Variants in RAI1 observed in about 807,000 individuals in gnomAD.
RAI1 encodes the protein retinoic acid induced 1.
A neutral mutation model predicts 123.8 loss-of-function variants in RAI1; 9 were observed. The observed-to-expected ratio is 0.07, with a 90% CI of 0.04 to 0.13. The LOEUF (loss-of-function observed/expected upper bound fraction) is 0.13. RAI1 is among the 10% of genes least tolerant of loss of function. RAI1 has a pLI of 1.00. For synonymous variants in RAI1, 1,231 were observed against 1,127.3 expected (o/e 1.09, Z -1.84); for missense variants, 2,256 against 2,545.8 (o/e 0.89, Z 2.45).
At chr17:17,781,895 A>G (rs2031594493) in intron 2 of RAI1, among the ~76,000 whole-genome samples, 1 of 152,024 alleles carries the variant, frequency 6.6e-6, no homozygotes, top group South Asian at 2.1e-4. Flanking sequence ...AAATGACCGA[A>G]GAAGGGTGGG....
Position 17,809,094 on chromosome 17 carries a change from G to GGAGGGACT in RAI1, c.5660-286_5660-279dup, listed in dbSNP as rs1444006588. On this transcript the variant is annotated intron_variant, in intron 4 of 5. Transcript: ENST00000353383. This position sits in a 1 kb window ranked among gnomAD's most constrained non-coding sequence, Gnocchi z 4.9. The stretch of plus-strand genomic sequence containing the variant: ...GCTGGCAGAGTAAGGCGGGAGGGAG[G>GGAGGGACT]GAGGGACTGAGGGACTGCCTCAAGT... 2 of 500,004 alleles carry GGAGGGACT rather than the reference G, an allele frequency of 4.0e-6. No homozygotes were observed. The highest frequency in any genetic ancestry group is 7.3e-6 in the Non-Finnish European group (2 of 272,126). The allele number at this position is 500,004 out of a possible 1,614,324, so 31.0% of individuals were successfully genotyped here.
At chr17:17,700,858 G>C (rs982469973) in intron 1 of RAI1, among the ~76,000 whole-genome samples, 2 of 152,238 alleles carry the variant, frequency 1.3e-5, no homozygotes, top group African/African-American at 4.8e-5. Context: ...GGCATTCAAG[G>C]CCCTTCGGGA....
intron 3 of RAI1, chr17:17,802,206 T>C (rs2032485960): frequency 2.1e-6 from 1 of 469,548 alleles, no homozygotes; most frequent in Non-Finnish European, 4.4e-6. Flanking sequence ...AGAGGACAGT[T>C]TTGAGACTTA....
intron 1 of RAI1, among the ~76,000 whole-genome samples, chr17:17,711,875 C>G (rs563154840): frequency 3.9e-5 from 6 of 152,242 alleles, no homozygotes; most frequent in Admixed American, 1.3e-4. Context: ...ATTCAACTCC[C>G]GGGACCTGTG....
intron 1 of RAI1, among the ~76,000 whole-genome samples, chr17:17,715,147 A>G (rs1247062109): frequency 1.3e-5 from 2 of 152,346 alleles, no homozygotes; most frequent in East Asian, 3.9e-4. Context: ...GGCTTAAGGT[A>G]TGTGGGAGGC....
chr17:17,729,837 G>C (rs1406599763), intron 2 of RAI1, among the ~76,000 whole-genome samples: 2 of 152,216 alleles, frequency 1.3e-5, no homozygotes, highest in Non-Finnish European at 2.9e-5. Flanking sequence ...TGTCATCTCA[G>C]CATGAGCCTC....
chr17:17,793,780 CA>C lies in RAI1; in HGVS notation c.833del (p.Gln278ArgfsTer86). On this transcript the variant is annotated frameshift_variant, in exon 3 of 6. Coordinates refer to ENST00000353383, the MANE Select transcript of RAI1 (RefSeq NM_030665.4). LOFTEE classifies it high-confidence loss of function. The part of the protein sequence containing the change: ...AYQSGRLSYD[Q>X]QQQQQQQQQQ... The stretch of plus-strand genomic sequence containing the variant: ...CCAGTCGGGCCGCCTCAGCTATGAC[CA>C]GCAGCAGCAGCAGCAGCAGCAGCAG... 3.8e-6 allele frequency: 3 copies of C among 796,026 alleles called. No homozygotes were observed. The highest frequency in any genetic ancestry group is 4.7e-6 in the Non-Finnish European group (3 of 639,784). The allele number at this position is 796,026 out of a possible 1,614,324, so 49.3% of individuals were successfully genotyped here.
chr17:17,753,037 C>CA (rs1242662977), intron 2 of RAI1, among the ~76,000 whole-genome samples: 2 of 152,298 alleles, frequency 1.3e-5, no homozygotes, highest in East Asian at 3.9e-4. Flanking sequence ...GGAAGGGAGA[C>CA]AGATGTGCCT....
chr17:17,740,775 G>A (rs1162945252), intron 2 of RAI1, among the ~76,000 whole-genome samples: 1 of 152,168 alleles, frequency 6.6e-6, no homozygotes, highest in Non-Finnish European at 1.5e-5. Flanking sequence ...GCATCCTGTT[G>A]CCCACCCCGG....
Position 17,798,437 on chromosome 17 carries a change from T to C in RAI1, c.5489T>C (p.Val1830Ala). ...QEHWVHEACA[V>A]WTGGVYLVAG... is the part of the protein sequence containing the mutation. ...CACTGGGTGCATGAGGCCTGTGCCG[T>C]GTGGACCGGCGGCGTCTACCTGGTG... Residue 1830 changes from valine to alanine, a missense_variant, in exon 3 of 6, where the codon GTG (valine) becomes GCG (alanine). Physicochemically the swap from Val to Ala is moderately conservative, Grantham distance 64 (BLOSUM62 0). This residue lies in a region of RAI1 where 243 missense variants were observed against 316.6 expected (regional missense o/e 0.77). Coordinates refer to ENST00000353383, the MANE Select transcript of RAI1 (RefSeq NM_030665.4). 6.2e-7 allele frequency: 1 copy of C among 1,610,018 alleles called. No homozygotes were observed. The highest frequency in any genetic ancestry group is 8.5e-7 in the Non-Finnish European group (1 of 1,179,672).
intron 4 of RAI1, among the ~76,000 whole-genome samples, chr17:17,807,266 T>TGGGGGGGGGGG (rs2032613325): frequency 1.6e-5 from 1 of 63,570 alleles, no homozygotes. Flanking sequence ...GGCGGGGGGG[T>TGGGGGGGGGGG]GGGAGTGAGA....
chr17:17,732,714 T>C (rs1916310412), intron 2 of RAI1, among the ~76,000 whole-genome samples: 1 of 152,222 alleles, frequency 6.6e-6, no homozygotes, highest in South Asian at 2.1e-4. Context: ...TACTGCTGCC[T>C]GGCGGTCAGC....
intron 1 of RAI1, among the ~76,000 whole-genome samples, chr17:17,695,587 C>T (rs926978214): frequency 2.0e-5 from 3 of 151,142 alleles, no homozygotes; most frequent in Non-Finnish European, 2.9e-5. Flanking sequence ...AGTGCAGTGG[C>T]GTAATCTCCG....
At chr17:17,682,309 A>G (rs1366181969) in intron 1 of RAI1, among the ~76,000 whole-genome samples, 1 of 151,084 alleles carries the variant, frequency 6.6e-6, no homozygotes, top group Non-Finnish European at 1.5e-5. Context: ...GTGCGTGGCG[A>G]GATGGGTGCT....
In RAI1 at chr17:17,810,646, C is replaced by T; in HGVS notation, c.*665C>T. ...GCGGTTCGGGCAAAGCCGGGGTAGA[C>T]CTGGGCTATGCTCAGTTAGGGGTTG... On this transcript the variant is annotated 3_prime_UTR_variant, in exon 6 of 6. Transcript: ENST00000353383. This position sits in a 1 kb window ranked among gnomAD's most constrained non-coding sequence, Gnocchi z 4.6. 1 of 344,242 alleles carries T rather than the reference C, an allele frequency of 2.9e-6. No homozygotes were observed. The highest frequency in any genetic ancestry group is 2.1e-5 in the South Asian group (1 of 48,102). The allele number at this position is 344,242 out of a possible 1,614,324, so 21.3% of individuals were successfully genotyped here.
At chr17:17,747,661 C>A (rs995132897) in intron 2 of RAI1, among the ~76,000 whole-genome samples, 6 of 152,144 alleles carry the variant, frequency 3.9e-5, no homozygotes, top group Non-Finnish European at 8.8e-5. Context: ...TGGGTTGGAG[C>A]TGCCCTCTTG....
chr17:17,774,470 A>G (rs2142995964), intron 2 of RAI1, among the ~76,000 whole-genome samples: 1 of 152,364 alleles, frequency 6.6e-6, no homozygotes, highest in East Asian at 1.9e-4. Context: ...CCCGTCAGCC[A>G]AGTCTTTTCC....
intron 1 of RAI1, among the ~76,000 whole-genome samples, chr17:17,720,703 T>C (rs1337420080): frequency 2.0e-5 from 3 of 152,224 alleles, no homozygotes; most frequent in Non-Finnish European, 4.4e-5. Context: ...TGCTGTGGTC[T>C]TGGCAAGTTC....
At chr17:17,687,367 C>T (rs1367918730) in intron 1 of RAI1, among the ~76,000 whole-genome samples, 1 of 152,128 alleles carries the variant, frequency 6.6e-6, no homozygotes, top group Non-Finnish European at 1.5e-5. Context: ...GAGTGGACTG[C>T]TCTTGCACTG....
Sources: gnomAD v4.1 joint callset for allele counts (sites outside exome capture counted in the v4.1 genomes callset) on GRCh38, gnomAD v4.1.1 for gene constraint, gnomAD v4.1.1 regional missense constraint, Gnocchi (gnomAD v3.1) non-coding constraint, MANE v1.5 for transcripts, NCBI Gene and HGNC (gene_info 2026-07-23, HGNC 2026-07-21) for gene names.